The following GABRG1 variants were observed in gnomAD, a reference collection of about 807,000 sequenced individuals.
The protein encoded by GABRG1 is gamma-aminobutyric acid type A receptor subunit gamma1.
A neutral mutation model predicts 49.8 loss-of-function variants in GABRG1; 49 were observed. The observed-to-expected ratio is 0.98, with a 90% CI of 0.78 to 1.25. GABRG1 has a LOEUF of 1.25. Ranked by LOEUF, GABRG1 falls within the 50% of genes most tolerant of loss-of-function variation. The pLI, the probability that GABRG1 is intolerant of heterozygous loss-of-function variation, is 0.00. For synonymous variants in GABRG1, 232 were observed against 185.1 expected (o/e 1.25, Z -2.06); for missense variants, 552 against 552.3 (o/e 1.00, Z 0.01).
At chr4:46,102,965 T>C (rs1720429306) in intron 1 of GABRG1, among the ~76,000 whole-genome samples, 1 of 151,588 alleles carries the variant, frequency 6.6e-6, no homozygotes, top group South Asian at 2.1e-4. Context: ...TAAACATTCA[T>C]TGAGGTTTGC....
chr4:46,050,500 C>T (rs1488533895), intron 8 of GABRG1, among the ~76,000 whole-genome samples: 1 of 151,880 alleles, frequency 6.6e-6, no homozygotes, highest in African/African-American at 2.4e-5. Flanking sequence ...AAGCTTGCCA[C>T]TAATGCCTGG....
intron 3 of GABRG1, among the ~76,000 whole-genome samples, chr4:46,080,807 T>A (rs530370940): frequency 6.6e-6 from 1 of 151,822 alleles, no homozygotes; most frequent in Non-Finnish European, 1.5e-5. Flanking sequence ...AACATTCCCA[T>A]ATGCTCAAAC....
chr4:46,115,742 T>G (rs1008789678), intron 1 of GABRG1, among the ~76,000 whole-genome samples: 2 of 150,960 alleles, frequency 1.3e-5, no homozygotes, highest in African/African-American at 4.8e-5. Flanking sequence ...AGGAAACAAA[T>G]AGCAATTTAA....
At chr4:46,113,186 T>C (rs879314243) in intron 1 of GABRG1, among the ~76,000 whole-genome samples, 4 of 151,132 alleles carry the variant, frequency 2.6e-5, no homozygotes, top group Non-Finnish European at 5.9e-5. Context: ...TATACTGCTA[T>C]AAAGAACTGC....
chr4:46,085,509 C>T (rs76120900), intron 2 of GABRG1, among the ~76,000 whole-genome samples: 2,813 of 151,498 alleles, frequency 0.019, 99 homozygotes, highest in African/African-American at 0.063. Context: ...AAAGCTATGA[C>T]GAATCTTTTT....
intron 2 of GABRG1, among the ~76,000 whole-genome samples, chr4:46,093,709 T>A (rs903768943): frequency 6.6e-6 from 1 of 151,938 alleles, no homozygotes; most frequent in African/African-American, 2.4e-5. Context: ...ATGTACCCCA[T>A]AAATGTATAC....
chr4:46,067,630 A>T (rs766456459), intron 3 of GABRG1, among the ~76,000 whole-genome samples: 5 of 152,130 alleles, frequency 3.3e-5, no homozygotes, highest in Non-Finnish European at 7.4e-5. Context: ...TTGCAACTTA[A>T]TATGGGATGG....
At chr4:46,068,731 T>C (rs1239850227) in intron 3 of GABRG1, among the ~76,000 whole-genome samples, 1 of 151,942 alleles carries the variant, frequency 6.6e-6, no homozygotes, top group Non-Finnish European at 1.5e-5. Flanking sequence ...AAAAATCCAG[T>C]TTTGTATTAG....
Position 46,065,420 on chromosome 4 carries a change from T to A in GABRG1, c.486A>T (p.Thr162=), listed in dbSNP as rs1270163371. 1 of 1,613,632 alleles carries A rather than the reference T, an allele frequency of 6.2e-7. No homozygotes were observed. The highest frequency in any genetic ancestry group is 8.5e-7 in the Non-Finnish European group (1 of 1,179,836). The change falls in exon 4 of 9, where the codon ACA becomes ACT. Residue 162 remains threonine, a synonymous_variant. Transcript: ENST00000295452. ...AAATTCGAAGCAGACGATTAGGAGT[T>A]GTTATCCAGTGAGCATCAGATTTTC... The part of the protein sequence containing the change: ...NSRKSDAHWI[T]TPNRLLRIWN...
chr4:46,099,047 G>A (rs548686646), intron 1 of GABRG1, among the ~76,000 whole-genome samples: 33 of 151,502 alleles, frequency 2.2e-4, no homozygotes, highest in Admixed American at 6.6e-4. Flanking sequence ...TTATTTCATC[G>A]TTATAATAAT....
At chr4:46,102,158 A>G (rs1356974243) in intron 1 of GABRG1, among the ~76,000 whole-genome samples, 1 of 151,662 alleles carries the variant, frequency 6.6e-6, no homozygotes, top group East Asian at 2.0e-4. Flanking sequence ...GAGAGGTAGA[A>G]TATCATACTC....
chr4:46,096,038 C>T (rs1248703360), intron 2 of GABRG1, among the ~76,000 whole-genome samples: 9 of 151,690 alleles, frequency 5.9e-5, no homozygotes, highest in Non-Finnish European at 1.0e-4. Flanking sequence ...ATTTAGCTCC[C>T]GCTTATAAGT....
intron 1 of GABRG1, among the ~76,000 whole-genome samples, chr4:46,121,833 C>T (rs1008856226): frequency 6.6e-5 from 10 of 152,028 alleles, no homozygotes; most frequent in Non-Finnish European, 1.3e-4. Flanking sequence ...AGGTTATCTA[C>T]ATTACTATGA....
Position 46,058,639 on chromosome 4 carries a change from C to T in GABRG1, c.626-17G>A. ...GGTATCCATCTATAGAGAAAAAATA[C>T]ATAGATTAGCAAGATCCAAATTTGA... On this transcript the variant is annotated splice_polypyrimidine_tract_variant and intron_variant, in intron 5 of 8. Transcript: ENST00000295452. 1 of 1,598,164 alleles carries T rather than the reference C, an allele frequency of 6.3e-7. No individual in the cohort carries two copies. Among genetic ancestry groups the T allele is most frequent in the Non-Finnish European group, 8.6e-7 (1 of 1,169,584 alleles).
intron 1 of GABRG1, among the ~76,000 whole-genome samples, chr4:46,104,406 GTGT>G (rs1720471351): frequency 6.6e-6 from 1 of 151,318 alleles, no homozygotes; most frequent in African/African-American, 2.4e-5. Context: ...ATTTATTGCC[GTGT>G]TGTTGTAAAT....
intron 8 of GABRG1, among the ~76,000 whole-genome samples, chr4:46,046,360 C>T (rs897969009): frequency 1.3e-5 from 2 of 151,990 alleles, no homozygotes; most frequent in African/African-American, 4.8e-5. Context: ...CATCATATGG[C>T]CATTGTCACA....
At chr4:46,112,525 A>T (rs1720749388) in intron 1 of GABRG1, among the ~76,000 whole-genome samples, 1 of 151,332 alleles carries the variant, frequency 6.6e-6, no homozygotes, top group Non-Finnish European at 1.5e-5. Flanking sequence ...CCAAAAAGAC[A>T]CATGCACTCA....
intron 1 of GABRG1, among the ~76,000 whole-genome samples, chr4:46,118,204 C>T (rs1720989723): frequency 1.4e-5 from 2 of 147,046 alleles, no homozygotes; most frequent in Admixed American, 1.4e-4. Context: ...AACATATAGC[C>T]TACCCTTTCC....
chr4:46,073,133 T>A (rs1373950529), intron 3 of GABRG1, among the ~76,000 whole-genome samples: 3 of 151,990 alleles, frequency 2.0e-5, no homozygotes, highest in African/African-American at 4.8e-5. Flanking sequence ...TTTATTAAAT[T>A]TAAATAAATA....
Sources: gnomAD v4.1 joint callset for allele counts (sites outside exome capture counted in the v4.1 genomes callset) on GRCh38, gnomAD v4.1.1 for gene constraint, MANE v1.5 for transcripts, NCBI Gene and HGNC (gene_info 2026-07-23, HGNC 2026-07-21) for gene names.